The following CGREF1 variants were observed in gnomAD, a reference collection of about 807,000 sequenced individuals.
CGREF1 encodes cell growth regulator with EF hand domain protein 1.
CGREF1 carries 16 observed loss-of-function variants against 17.4 expected under a neutral mutation model. The ratio of observed to expected loss-of-function variants is 0.92; its 90% confidence interval spans 0.62 to 1.40. The LOEUF (loss-of-function observed/expected upper bound fraction) is 1.40, where lower values mean the gene tolerates loss of function less well. Ranked by LOEUF, CGREF1 falls within the 40% of genes most tolerant of loss-of-function variation. The pLI is 0.00. For synonymous variants in CGREF1, 142 were observed against 154.6 expected (o/e 0.92, Z 0.61); for missense variants, 296 against 376.4 (o/e 0.79, Z 1.77).
chr2:27,102,861 C>T, intron 2 of CGREF1: 2 of 901,838 alleles, frequency 2.2e-6, no homozygotes, highest in Non-Finnish European at 2.7e-6. Context: ...CCAGATGAGG[C>T]CACACCTAGT....
At chr2:27,108,796 G>A (rs1487132222) in intron 1 of CGREF1, among the ~76,000 whole-genome samples, 2 of 152,146 alleles carry the variant, frequency 1.3e-5, no homozygotes, top group African/African-American at 2.4e-5. Context: ...TTATCTTGCA[G>A]AATGAGGTGA....
rs552247066 is a variant in CGREF1 at position 27,101,978 on chromosome 2, G to A, written c.343-90C>T. Reference sequence around the variant, plus strand: ...CCTAACACACCCTTGCATCCCTGCCGTGCAAGCTCTGAGCCCTCCTTTTAC... The same window carrying A: ...CCTAACACACCCTTGCATCCCTGCCATGCAAGCTCTGAGCCCTCCTTTTAC... On this transcript the variant is annotated intron_variant, in intron 5 of 5. Coordinates refer to ENST00000402394, the MANE Select transcript of CGREF1 (RefSeq NM_006569.6). 2.0e-4 allele frequency: 306 copies of A among 1,563,838 alleles called. 1 individual carries two copies. The highest frequency in any genetic ancestry group is 6.9e-4 in the Admixed American group (38 of 54,986).
chr2:27,104,756 A>G, intron 1 of CGREF1: 5 of 1,489,456 alleles, frequency 3.4e-6, no homozygotes, highest in Non-Finnish European at 4.5e-6. Context: ...AGGAGCGCAG[A>G]AAGTTTAAGA....
At position 27,101,609 on chromosome 2, in the gene CGREF1, G is replaced by T. The variant is rs771500511; in HGVS notation, c.622C>A (p.Pro208Thr). 6.2e-7 allele frequency: 1 copy of T among 1,613,914 alleles called. No individual in the cohort carries two copies. Among genetic ancestry groups the T allele is most frequent in the South Asian group, 1.1e-5 (1 of 91,074 alleles). The change falls in exon 6 of 6, where the codon CCT becomes ACT. Residue 208 changes from proline to threonine, a missense_variant. By Grantham distance (38) the Pro-to-Thr change is conservative. Around this residue, in one of 3 missense-constraint regions of CGREF1, gnomAD observed 247 missense variants for 267.2 expected, o/e 0.92. Coordinates refer to ENST00000402394, the MANE Select transcript of CGREF1 (RefSeq NM_006569.6). The stretch of plus-strand genomic sequence containing the variant: ...CCATCAGCCTCTGCCTGGCCCCCAG[G>T]CTCCTGGACAGGATCCAAAGACTCC... ...RRESLDPVQE[P>T]GGQAEADGDV...
chr2:27,100,196 G>A (rs976009960), downstream of CGREF1: 4 of 437,938 alleles, frequency 9.1e-6, no homozygotes, highest in Non-Finnish European at 1.3e-5. Context: ...CAAAGAAACC[G>A]TGAGAGCTCT....
chr2:27,107,473 T>C (rs1249216514), intron 1 of CGREF1, among the ~76,000 whole-genome samples: 1 of 151,604 alleles, frequency 6.6e-6, no homozygotes, highest in Non-Finnish European at 1.5e-5. Flanking sequence ...CAGGCTGGTC[T>C]CAAACTCCTG....
chr2:27,100,572 G>C (rs189380151), downstream of CGREF1: 36 of 1,283,160 alleles, frequency 2.8e-5, no homozygotes, highest in Admixed American at 4.6e-5. Context: ...ATAATGTAAA[G>C]GGCTTTAGAG....
At chr2:27,099,453 C>T (rs142428157), downstream of CGREF1, 270 of 1,613,814 alleles carry the variant, frequency 1.7e-4, no homozygotes, top group Non-Finnish European at 2.2e-4. Flanking sequence ...CTGAGGAGGG[C>T]GCCGACGCCC....
rs2384572 is a variant in CGREF1 at position 27,101,883 on chromosome 2, G to T, written c.348C>A (p.Ile116=). The T allele has an allele frequency of 0.6, 973,065 of 1,610,624 alleles. 301,330 individuals are homozygous for T. The highest frequency in any genetic ancestry group is 0.77 in the East Asian group (34,573 of 44,830). ...AANSPTTNPV[I]LIVDKVLETQ... ...TCTCGAGCACTTTGTCCACTATCAA[G>T]ATCACCTGTGGAAGCAGAGTCACTG... Residue 116 remains isoleucine (I), a synonymous_variant, in exon 6 of 6, where the codon ATC becomes ATA. Coordinates refer to ENST00000402394, the MANE Select transcript of CGREF1 (RefSeq NM_006569.6).
rs781035035 is a variant in CGREF1 at position 27,102,525 on chromosome 2, C to T, written c.146+1G>A. 2.2e-5 allele frequency: 35 copies of T among 1,613,962 alleles called. No homozygotes were observed. The highest frequency in any genetic ancestry group is 3.0e-5 in the Non-Finnish European group (35 of 1,179,934). ...AAGCACCCCCGGCCCACCCTACTCA[C>T]CCGAGCTGCTCCTGGCCTGGCTGGA... is the stretch of plus-strand genomic sequence containing the variant. On this transcript the variant is annotated splice_donor_variant, in intron 3 of 5. Transcript: ENST00000402394. LOFTEE classifies it high-confidence loss of function.
chr2:27,116,871 T>TTC (rs537582075), intron 1 of CGREF1, among the ~76,000 whole-genome samples: 932 of 33,622 alleles, frequency 0.028, 35 homozygotes, highest in East Asian at 0.048. Context: ...GCCAGGCCTA[T>TTC]TCTCTCTCTC....
At chr2:27,116,885 C>A (rs1159163322) in intron 1 of CGREF1, among the ~76,000 whole-genome samples, 4 of 82,554 alleles carry the variant, frequency 4.8e-5, no homozygotes, top group African/African-American at 1.6e-4. Context: ...CTCTCTCTCT[C>A]TCTCTCTCTC....
chr2:27,111,756 C>CCGGCCGGCAGT (rs1558464263), intron 1 of CGREF1, among the ~76,000 whole-genome samples: 15 of 151,614 alleles, frequency 9.9e-5, no homozygotes, highest in Non-Finnish European at 1.9e-4. Flanking sequence ...CGGCCGGCAG[C>CCGGCCGGCAGT]TCCGAGTGCT....
downstream of CGREF1, chr2:27,100,076 G>A (rs148558475): frequency 3.9e-4 from 235 of 607,242 alleles, 1 homozygote; most frequent in South Asian, 2.4e-3. Flanking sequence ...CTCCGCCCAG[G>A]CCCAGAGGAG....
chr2:27,111,399 G>T (rs1164308706), intron 1 of CGREF1, among the ~76,000 whole-genome samples: 1 of 152,230 alleles, frequency 6.6e-6, no homozygotes, highest in Non-Finnish European at 1.5e-5. Context: ...CCCTTAGCTA[G>T]ACATAAAGGT....
intron 1 of CGREF1, among the ~76,000 whole-genome samples, chr2:27,115,977 C>T (rs1418987025): frequency 6.6e-6 from 1 of 152,000 alleles, no homozygotes; most frequent in Admixed American, 6.6e-5. Context: ...ACTTCGCAGG[C>T]CAAGGCAAAA....
rs551179699 is a variant in CGREF1 at position 27,103,246 on chromosome 2, C to T, written c.81-655G>A. On this transcript the variant is annotated intron_variant, in intron 2 of 5. Transcript: ENST00000402394. ...CAGCTACCAGCCCCTGTGGCTGTTC[C>T]TGTGGCTGTTTCCCCTTCTACCCAG... Among the ~76,000 whole-genome samples, 3 of 152,336 alleles carry T rather than the reference C, an allele frequency of 2.0e-5. No individual in the cohort carries two copies. In the South Asian group the frequency reaches 6.2e-4, roughly 32 times the overall value.
rs376042252 is a variant in CGREF1 at position 27,102,581 on chromosome 2, CAG to C, written c.89_90del (p.Ser30Ter). The C allele has an allele frequency of 7.7e-5, 124 of 1,612,342 alleles. No homozygotes were observed. The East Asian group carries it at 2.3e-3, about 30-fold the overall frequency. ...TTGGGCAGGAGCTGATGCTGCACTT[CAG>C]AGTCTGGCCTGGAGGAGGAAGGGGA... ...APKDGVTRPD[S>X]EVQHQLLPNP... is the part of the protein sequence containing the mutation. On this transcript the variant is annotated frameshift_variant, in exon 3 of 6. Transcript: ENST00000402394. LOFTEE classifies it high-confidence loss of function.
rs562514377 is a variant in CGREF1 at position 27,102,857 on chromosome 2, G to A, written c.81-266C>T. The A allele has an allele frequency of 3.3e-5, 29 of 874,384 alleles. No homozygotes were observed. In the African/African-American group the frequency reaches 5.1e-4, roughly 15 times the overall value. The allele number at this position is 874,384 out of a possible 1,614,324, so 54.2% of individuals were successfully genotyped here. Reference sequence around the variant, plus strand: ...ACAACTGGTTAGGTAGAGGCCAGATGAGGCCACACCTAGTAGACACAAGTT... The same window carrying A: ...ACAACTGGTTAGGTAGAGGCCAGATAAGGCCACACCTAGTAGACACAAGTT... On this transcript the variant is annotated intron_variant, in intron 2 of 5. Transcript: ENST00000402394.
Sources: allele counts gnomAD v4.1 joint callset (sites outside exome capture counted in the v4.1 genomes callset), GRCh38; gene constraint gnomAD v4.1.1; regional missense constraint gnomAD v4.1.1; transcripts MANE v1.5; gene names NCBI Gene and HGNC (gene_info 2026-07-23, HGNC 2026-07-21).